ATG16L1: variants seen among roughly 807,000 people sequenced by gnomAD.
ATG16L1 encodes the protein autophagy-related protein 16-1.
ATG16L1 carries 37 observed loss-of-function variants against 88.5 expected under a neutral mutation model. The ratio of observed to expected loss-of-function variants is 0.42; its 90% CI spans 0.32 to 0.55. ATG16L1 has a LOEUF of 0.55. Among genes scored for constraint, ATG16L1 ranks in the 20% least tolerant of loss-of-function variants. The pLI, the probability that ATG16L1 is intolerant of heterozygous loss-of-function variation, is 0.13. For missense variants in ATG16L1, 554 were observed against 752.8 expected, an observed-to-expected ratio of 0.74 and a Z score of 3.09; for synonymous variants, 301 against 281.0, an observed-to-expected ratio of 1.07 and a Z score of -0.71.
At chr2:233,256,253 C>A in intron 2 of ATG16L1, 58 bp downstream of exon 2, 1 of 1,390,124 alleles carries the variant, frequency 7.2e-7, no homozygotes, top group Non-Finnish European at 1.0e-6. Flanking sequence ...TATCTCAGTT[C>A]AGTTGTCACT....
chr2:233,271,550 T>A (rs976076871), intron 6 of ATG16L1, among the ~76,000 whole-genome samples: 1 of 152,352 alleles, frequency 6.6e-6, no homozygotes, highest in African/African-American at 2.4e-5. Flanking sequence ...AGTGCTGAAA[T>A]TACAGGCATG....
In ATG16L1 at chr2:233,254,969, GTTTATTTA is replaced by G. The variant is rs36078120; in HGVS notation, c.116-1116_116-1109del. 8.6e-5 allele frequency among the ~76,000 whole-genome samples: 13 copies of G among 150,336 alleles called. No individual in the cohort carries two copies. In the East Asian group the frequency reaches 9.8e-4, roughly 11 times the overall value. ...TCTTATTTTTTATTTCATTTCATTT[GTTTATTTA>G]TTTATTTATTTATTTAGAGACAGTC... is the stretch of plus-strand genomic sequence containing the variant. On this transcript the variant is annotated intron_variant, in intron 1 of 17. Coordinates refer to ENST00000392017, the MANE Select transcript of ATG16L1 (RefSeq NM_030803.7).
chr2:233,278,184 C>T (rs992062448), intron 10 of ATG16L1, among the ~76,000 whole-genome samples: 8 of 152,194 alleles, frequency 5.3e-5, no homozygotes, highest in African/African-American at 1.7e-4. Flanking sequence ...GTGTATCAGA[C>T]GAGGGCCCTT....
intron 12 of ATG16L1, chr2:233,289,047 T>C (rs779835321): frequency 4.9e-5 from 20 of 406,126 alleles, no homozygotes; most frequent in Non-Finnish European, 8.8e-5. Context: ...ACTTTAAATA[T>C]GGAACTGACT....
intron 12 of ATG16L1, among the ~76,000 whole-genome samples, chr2:233,289,185 G>A (rs553415398): frequency 4.6e-5 from 7 of 152,172 alleles, no homozygotes; most frequent in Non-Finnish European, 8.8e-5. Context: ...CAAGATTGAG[G>A]ATGGGGAGCA....
chr2:233,258,094 A>G (rs1349707329), intron 2 of ATG16L1, among the ~76,000 whole-genome samples: 2 of 151,748 alleles, frequency 1.3e-5, no homozygotes, highest in Non-Finnish European at 2.9e-5. Context: ...TGAAATACAT[A>G]TTTGTTCATG....
intron 12 of ATG16L1, among the ~76,000 whole-genome samples, chr2:233,283,387 A>G (rs1216254334): frequency 6.6e-6 from 1 of 152,018 alleles, no homozygotes; most frequent in Non-Finnish European, 1.5e-5. Flanking sequence ...GAATCATCAC[A>G]TAAGCTTATT....
intron 9 of ATG16L1, 88 bp from the exon 10 acceptor site, chr2:233,277,480 C>T: frequency 1.7e-6 from 2 of 1,211,412 alleles, no homozygotes; most frequent in East Asian, 2.4e-5. Context: ...TGAGTGTTTC[C>T]CCATGAATTA....
At chr2:233,254,248 C>G (rs1254703562) in intron 1 of ATG16L1, among the ~76,000 whole-genome samples, 1 of 152,130 alleles carries the variant, frequency 6.6e-6, no homozygotes, top group Non-Finnish European at 1.5e-5. Flanking sequence ...GCTAGAGTAG[C>G]GAGTAATACC....
At chr2:233,254,858 A>T (rs1213081598) in intron 1 of ATG16L1, among the ~76,000 whole-genome samples, 3 of 152,178 alleles carry the variant, frequency 2.0e-5, no homozygotes, top group African/African-American at 7.2e-5. Flanking sequence ...AGGAATAGTC[A>T]CTAGCATAAA....
chr2:233,270,321 C>A (rs1697909812), intron 6 of ATG16L1, among the ~76,000 whole-genome samples: 1 of 152,060 alleles, frequency 6.6e-6, no homozygotes, highest in Non-Finnish European at 1.5e-5. Context: ...GAACTAACAT[C>A]CATATATCAT....
At chr2:233,282,491 A>G (rs1011211289) in intron 11 of ATG16L1, among the ~76,000 whole-genome samples, 191 bp from the exon 12 acceptor site, 2 of 152,204 alleles carry the variant, frequency 1.3e-5, no homozygotes, top group Non-Finnish European at 2.9e-5. Context: ...AAGCTCAGAA[A>G]AAAAAAGGTC....
chr2:233,289,931 TC>T lies in ATG16L1; in HGVS notation c.1282del (p.His428ThrfsTer16). On this transcript the variant is annotated frameshift_variant, in exon 13 of 18. Transcript: ENST00000392017. LOFTEE classifies it high-confidence loss of function. ...LDNARIVSGS[H>X]DRTLKLWDLR... The stretch of plus-strand genomic sequence containing the variant: ...ACAATGCGCGGATTGTCTCAGGAAG[TC>T]ACGACCGGACTCTCAAACTCTGGGA... 6.2e-7 allele frequency: 1 copy of T among 1,614,194 alleles called. No homozygotes were observed. The highest frequency in any genetic ancestry group is 8.5e-7 in the Non-Finnish European group (1 of 1,180,034).
chr2:233,267,631 T>A (rs1298747803), intron 5 of ATG16L1, among the ~76,000 whole-genome samples: 3 of 152,252 alleles, frequency 2.0e-5, no homozygotes, highest in Non-Finnish European at 4.4e-5. Flanking sequence ...TGTCTCACAT[T>A]TACTTTAAGC....
chr2:233,288,899 C>CTA lies in ATG16L1; in HGVS notation c.1204-954_1204-953insAT, dbSNP rs1334682255. ...CAAAGGGATTTGATTGTTGGGAGTG[C>CTA]TGGTATCTGTGGCTATGATCTGCCT... On this transcript the variant is annotated intron_variant, in intron 12 of 17. Transcript: ENST00000392017. 2.3e-5 allele frequency: 12 copies of CTA among 519,082 alleles called. No individual in the cohort carries two copies. The Admixed American group carries it at 2.3e-4, about 10-fold the overall frequency. 32.2% of individuals were successfully genotyped at this position (519,082 alleles called of 1,614,324 possible).
chr2:233,273,746 G>A lies in ATG16L1; in HGVS notation c.820G>A (p.Gly274Ser). The A allele has an allele frequency of 6.2e-7, 1 of 1,614,192 alleles. No individual in the cohort carries two copies. Among genetic ancestry groups the A allele is most frequent in the Non-Finnish European group, 8.5e-7 (1 of 1,180,028 alleles). ...TAAGCGACTCTCGCAGCCTGCTGGAGGCCTTCTGGATTCTATCACTAATAT... is the reference window on the plus strand; with the variant it reads ...TAAGCGACTCTCGCAGCCTGCTGGAAGCCTTCTGGATTCTATCACTAATAT... The part of the protein sequence containing the change: ...ATKRLSQPAG[G>S]LLDSITNIFG... Residue 274 changes from glycine (G) to serine (S), a missense_variant, in exon 8 of 18, where the codon GGC becomes AGC. Transcript: ENST00000392017.
intron 11 of ATG16L1, among the ~76,000 whole-genome samples, chr2:233,281,816 G>A (rs908636080): frequency 1.3e-5 from 2 of 152,172 alleles, no homozygotes; most frequent in Non-Finnish European, 2.9e-5. Context: ...CATCTCTGGG[G>A]AGCCTTGTTC....
intron 2 of ATG16L1, 119 bp from the exon 3 acceptor site, chr2:233,263,011 G>C: frequency 1.2e-6 from 1 of 866,610 alleles, no homozygotes. Flanking sequence ...TGGTTTATTG[G>C]CTTTGTGAAC....
At chr2:233,273,575 G>T in intron 7 of ATG16L1, 146 bp from the exon 8 acceptor site, 1 of 681,168 alleles carries the variant, frequency 1.5e-6, no homozygotes, top group Non-Finnish European at 2.5e-6. Flanking sequence ...CTGGCAGTTT[G>T]GTACTGTGTT....
Sources: gnomAD v4.1 joint callset for allele counts (sites outside exome capture counted in the v4.1 genomes callset) on GRCh38, gnomAD v4.1.1 for gene constraint, MANE v1.5 for transcripts, NCBI Gene and HGNC (gene_info 2026-07-23, HGNC 2026-07-21) for gene names.